ALDH1A2: variants seen among roughly 807,000 people sequenced by gnomAD.
ALDH1A2 encodes aldehyde dehydrogenase 1 family member A2, also known as retinal dehydrogenase 2.
Under a neutral mutation model 60.3 loss-of-function variants are expected in ALDH1A2, and 27 were observed. The ratio of observed to expected loss-of-function variants is 0.45; its 90% CI spans 0.33 to 0.62. The LOEUF is 0.62. Ranked by LOEUF, ALDH1A2 falls within the 20% of genes least tolerant of loss-of-function variation. The pLI, the probability that ALDH1A2 is intolerant of heterozygous loss-of-function variation, is 0.02. For synonymous variants in ALDH1A2, 289 were observed against 232.4 expected (o/e 1.24, Z -2.21); for missense variants, 581 against 643.8 (o/e 0.90, Z 1.06).
chr15:57,965,391 T>C (rs183925159), intron 8 of ALDH1A2, among the ~76,000 whole-genome samples: 175 of 152,330 alleles, frequency 1.1e-3, no homozygotes, highest in African/African-American at 3.9e-3. Flanking sequence ...TACAGATTTA[T>C]TGAATCTAGG....
intron 1 of ALDH1A2, among the ~76,000 whole-genome samples, chr15:58,055,794 A>G (rs1160338466): frequency 6.6e-6 from 1 of 152,140 alleles, no homozygotes; most frequent in Non-Finnish European, 1.5e-5. Context: ...TAACAAAATA[A>G]GAAGTAATGT....
chr15:58,014,667 C>T (rs1372979024), intron 1 of ALDH1A2, among the ~76,000 whole-genome samples: 8 of 152,180 alleles, frequency 5.3e-5, no homozygotes, highest in African/African-American at 1.7e-4. Context: ...AGCCTTAGAT[C>T]CTACTTTCTC....
intron 7 of ALDH1A2, among the ~76,000 whole-genome samples, chr15:57,967,505 G>A (rs1893936128): frequency 1.3e-5 from 2 of 152,096 alleles, no homozygotes; most frequent in Non-Finnish European, 2.9e-5. Context: ...CAAACTGCCT[G>A]TGCTGTTAAC....
At chr15:57,996,471 A>G (rs1453046424) in intron 4 of ALDH1A2, among the ~76,000 whole-genome samples, 1 of 147,744 alleles carries the variant, frequency 6.8e-6, no homozygotes, top group Non-Finnish European at 1.5e-5. Context: ...CAAACGGGAT[A>G]TTATTCAGTC....
chr15:58,004,396 C>A (rs1457185004), intron 4 of ALDH1A2, among the ~76,000 whole-genome samples: 3 of 151,730 alleles, frequency 2.0e-5, no homozygotes, highest in Non-Finnish European at 4.4e-5. Context: ...TAACTATGAG[C>A]CTTGGGCTTC....
At chr15:58,008,790 A>G (rs1196989510) in intron 4 of ALDH1A2, among the ~76,000 whole-genome samples, 1 of 152,102 alleles carries the variant, frequency 6.6e-6, no homozygotes, top group Non-Finnish European at 1.5e-5. Context: ...GCCCACCTAA[A>G]AAGACTGACA....
intron 7 of ALDH1A2, among the ~76,000 whole-genome samples, chr15:57,966,375 T>G (rs1449751463): frequency 2.6e-5 from 4 of 152,204 alleles, no homozygotes; most frequent in Non-Finnish European, 4.4e-5. Context: ...TGTGCAATCT[T>G]GTAAATGCCG....
chr15:58,021,730 C>A (rs1467264846), intron 1 of ALDH1A2, among the ~76,000 whole-genome samples: 3 of 152,248 alleles, frequency 2.0e-5, no homozygotes, highest in African/African-American at 4.8e-5. Context: ...TAAGGAAACT[C>A]AGGCTATTAC....
Position 57,992,952 on chromosome 15 carries a change from A to C in ALDH1A2, c.677T>G (p.Ile226Ser). ...GAAGTCCGTTTCTCTTACCTCCTTG[A>C]TGAGGGCTCCCATGTAGAGTGCACT... ...PLSALYMGAL[I>S]KEAGFPPGVI... Residue 226 changes from isoleucine (I) to serine (S), a missense_variant, in exon 6 of 13, where the codon ATC becomes AGC. By Grantham distance (142) the Ile-to-Ser change is moderately radical. Around this residue, in one of 2 missense-constraint regions of ALDH1A2, gnomAD observed 375 missense variants for 469.7 expected, o/e 0.80. Coordinates refer to ENST00000249750, the MANE Select transcript of ALDH1A2 (RefSeq NM_003888.4). 2.5e-6 allele frequency: 4 copies of C among 1,614,038 alleles called. No individual in the cohort carries two copies. The highest frequency in any genetic ancestry group is 3.4e-6 in the Non-Finnish European group (4 of 1,179,970).
intron 1 of ALDH1A2, among the ~76,000 whole-genome samples, chr15:58,049,782 A>G (rs1317543929): frequency 6.6e-6 from 1 of 152,100 alleles, no homozygotes; most frequent in Non-Finnish European, 1.5e-5. Context: ...CGGTGTGGGA[A>G]ATGTACTTTG....
chr15:58,047,694 G>T (rs34765425), intron 1 of ALDH1A2, among the ~76,000 whole-genome samples: 1 of 151,748 alleles, frequency 6.6e-6, no homozygotes, highest in African/African-American at 2.4e-5. Flanking sequence ...AAACAATAAG[G>T]CAAGTGCTCA....
chr15:58,059,028 CTTG>C (rs1329019188), intron 1 of ALDH1A2, among the ~76,000 whole-genome samples: 1 of 152,094 alleles, frequency 6.6e-6, no homozygotes, highest in Non-Finnish European at 1.5e-5. Context: ...CCAACAGAGA[CTTG>C]TTGTAAATAA....
intron 1 of ALDH1A2, among the ~76,000 whole-genome samples, chr15:58,015,432 A>G (rs185012545): frequency 3.2e-4 from 49 of 152,350 alleles, no homozygotes; most frequent in African/African-American, 1.1e-3. Flanking sequence ...GATTTTTAAG[A>G]TAAAGGAAAA....
At chr15:57,983,209 A>G (rs192129372) in intron 7 of ALDH1A2, among the ~76,000 whole-genome samples, 176 of 152,322 alleles carry the variant, frequency 1.2e-3, no homozygotes, top group Middle Eastern at 3.4e-3. Context: ...TTCCAGCAAA[A>G]TATGTATCGA....
intron 1 of ALDH1A2, among the ~76,000 whole-genome samples, chr15:58,048,721 CCA>C (rs1487775279): frequency 6.6e-6 from 1 of 151,998 alleles, no homozygotes. Context: ...TCTAAAATGT[CCA>C]ATTTTCCCAG....
chr15:57,956,989 AG>A (rs1893548718), intron 12 of ALDH1A2, among the ~76,000 whole-genome samples: 1 of 152,178 alleles, frequency 6.6e-6, no homozygotes, highest in Admixed American at 6.5e-5. Flanking sequence ...ACCCTGCTGG[AG>A]CAGAGCTGCT....
chr15:57,984,629 T>C (rs745737523), intron 7 of ALDH1A2, among the ~76,000 whole-genome samples: 38 of 152,348 alleles, frequency 2.5e-4, no homozygotes, highest in Non-Finnish European at 4.7e-4. Context: ...CTTTTGTAAC[T>C]GGATTCTTTC....
At chr15:58,006,671 C>G (rs1895468326) in intron 4 of ALDH1A2, among the ~76,000 whole-genome samples, 1 of 150,144 alleles carries the variant, frequency 6.7e-6, no homozygotes, top group African/African-American at 2.4e-5. Context: ...CACATCCACG[C>G]CAACATCTAT....
chr15:57,992,473 C>T (rs1402907421), intron 7 of ALDH1A2, among the ~76,000 whole-genome samples: 1 of 152,212 alleles, frequency 6.6e-6, no homozygotes, highest in Non-Finnish European at 1.5e-5. Flanking sequence ...TGGGATAGTT[C>T]TTACACAGAT....
Sources: allele counts gnomAD v4.1 joint callset (sites outside exome capture counted in the v4.1 genomes callset), GRCh38; gene constraint gnomAD v4.1.1; regional missense constraint gnomAD v4.1.1; transcripts MANE v1.5; gene names NCBI Gene and HGNC (gene_info 2026-07-23, HGNC 2026-07-21).